Variants in ACVR1C observed in about 807,000 individuals in gnomAD.
ACVR1C encodes activin receptor type-1C.
ACVR1C carries 23 observed loss-of-function variants against 57.9 expected under a neutral mutation model. The ratio of observed to expected loss-of-function variants is 0.40; its 90% CI spans 0.29 to 0.56. ACVR1C has a LOEUF of 0.56. ACVR1C is among the 20% of genes least tolerant of loss of function. ACVR1C has a pLI of 0.50. For missense variants in ACVR1C, 480 were observed against 607.9 expected (o/e 0.79, Z 2.21); for synonymous variants, 214 against 215.3 (o/e 0.99, Z 0.05).
chr2:157,625,273 T>C (rs1682871254), intron 1 of ACVR1C, among the ~76,000 whole-genome samples: 1 of 152,150 alleles, frequency 6.6e-6, no homozygotes. Flanking sequence ...CATTCTTCCA[T>C]TGCTTGGGTC....
chr2:157,584,173 TAAA>T (rs769359004), intron 2 of ACVR1C, among the ~76,000 whole-genome samples: 1 of 142,528 alleles, frequency 7.0e-6, no homozygotes. Context: ...CAGAAGAAGA[TAAA>T]AAAAAAAAAC....
chr2:157,603,063 G>T (rs1682315193), intron 1 of ACVR1C, among the ~76,000 whole-genome samples: 1 of 152,136 alleles, frequency 6.6e-6, no homozygotes, highest in African/African-American at 2.4e-5. Flanking sequence ...AGGTTTGACT[G>T]CCATACTACA....
chr2:157,546,434 C>A (rs1427087424), intron 4 of ACVR1C, among the ~76,000 whole-genome samples: 2 of 152,244 alleles, frequency 1.3e-5, no homozygotes, highest in African/African-American at 4.8e-5. Context: ...TCTCTTTTTC[C>A]ATCCAATTAA....
At chr2:157,550,127 T>G (rs1264834318) in intron 4 of ACVR1C, 35 bp downstream of exon 4, 1 of 1,599,948 alleles carries the variant, frequency 6.3e-7, no homozygotes, top group African/African-American at 1.3e-5. Context: ...TAGACAGCAT[T>G]TTTTACTTGT....
At chr2:157,549,052 T>A (rs1275645036) in intron 4 of ACVR1C, among the ~76,000 whole-genome samples, 1 of 152,114 alleles carries the variant, frequency 6.6e-6, no homozygotes, top group Non-Finnish European at 1.5e-5. Context: ...GGTTGGTAAA[T>A]AGCTGCTATT....
chr2:157,581,557 G>A (rs1688791999), intron 2 of ACVR1C, among the ~76,000 whole-genome samples: 1 of 151,990 alleles, frequency 6.6e-6, no homozygotes, highest in Non-Finnish European at 1.5e-5. Flanking sequence ...ATAAAACAAA[G>A]GCCCAACCAT....
intron 1 of ACVR1C, among the ~76,000 whole-genome samples, chr2:157,617,488 C>T (rs987838411): frequency 6.6e-6 from 1 of 151,930 alleles, no homozygotes; most frequent in African/African-American, 2.4e-5. Context: ...TTGGGAGTAC[C>T]GCATTGAGGA....
At chr2:157,605,730 C>T (rs776564164) in intron 1 of ACVR1C, among the ~76,000 whole-genome samples, 100 of 151,676 alleles carry the variant, frequency 6.6e-4, no homozygotes, top group Non-Finnish European at 1.2e-3. Context: ...GTTTGTTACA[C>T]GCATAGAATG....
At chr2:157,577,352 T>C (rs1688688156) in intron 2 of ACVR1C, among the ~76,000 whole-genome samples, 1 of 152,192 alleles carries the variant, frequency 6.6e-6, no homozygotes, top group Non-Finnish European at 1.5e-5. Flanking sequence ...AAGACAGTGG[T>C]ATGCTGAAAT....
intron 2 of ACVR1C, among the ~76,000 whole-genome samples, chr2:157,576,526 T>TA (rs1688656883): frequency 1.3e-5 from 2 of 152,086 alleles, no homozygotes; most frequent in African/African-American, 4.8e-5. Flanking sequence ...TTCTTTGCCT[T>TA]AAAAAAATAA....
At position 157,583,993 on chromosome 2, in the gene ACVR1C, T is replaced by C. The variant is rs185909145; in HGVS notation, c.304+3194A>G. Among the ~76,000 whole-genome samples, 840 of 152,256 alleles carry C rather than the reference T, an allele frequency of 5.5e-3. 12 individuals carry two copies. The highest frequency in any genetic ancestry group is 0.018 in the African/African-American group (766 of 41,560). ...CATGAAACTAGTAAACTATCATAAT[T>C]TTTTTAAAAAGATAAATCAGACTTC... is the stretch of plus-strand genomic sequence containing the variant. On this transcript the variant is annotated intron_variant, in intron 2 of 8. Transcript: ENST00000243349.
intron 2 of ACVR1C, among the ~76,000 whole-genome samples, chr2:157,581,492 G>A (rs544654382): frequency 1.3e-5 from 2 of 152,212 alleles, no homozygotes; most frequent in South Asian, 4.1e-4. Context: ...AGGGGGAGAC[G>A]GGAGGGGAGT....
chr2:157,621,837 C>T (rs974765579), intron 1 of ACVR1C, among the ~76,000 whole-genome samples: 2 of 152,272 alleles, frequency 1.3e-5, no homozygotes, highest in Middle Eastern at 6.8e-3. Context: ...GAGTTAGAAT[C>T]CAGGGTTCGG....
chr2:157,591,329 G>C (rs1390853001), intron 1 of ACVR1C, among the ~76,000 whole-genome samples: 1 of 151,942 alleles, frequency 6.6e-6, no homozygotes, highest in Non-Finnish European at 1.5e-5. Context: ...CCCTCACTCT[G>C]TCACTAACTT....
intron 1 of ACVR1C, among the ~76,000 whole-genome samples, chr2:157,621,844 T>A (rs1285492319): frequency 6.6e-6 from 1 of 152,214 alleles, no homozygotes; most frequent in Non-Finnish European, 1.5e-5. Context: ...AATCCAGGGT[T>A]CGGGTTTATC....
Position 157,528,181 on chromosome 2 carries a change from CA to C in ACVR1C, c.*5736del, listed in dbSNP as rs1404537554. ...TAAAATTATGTCTGGGAGCCAATTG[CA>C]GTTGGATTTTAGCCCGCACCTGCCC... is the stretch of plus-strand genomic sequence containing the variant. On this transcript the variant is annotated 3_prime_UTR_variant, in exon 9 of 9. Transcript: ENST00000243349. 6.6e-6 allele frequency: 1 copy of C among 152,114 alleles called. No individual in the cohort carries two copies. Among genetic ancestry groups the C allele is most frequent in the Non-Finnish European group, 1.5e-5 (1 of 68,040 alleles). 9.4% of individuals were successfully genotyped at this position (152,114 alleles called of 1,614,324 possible).
At chr2:157,555,354 C>T (rs1688075087) in intron 3 of ACVR1C, among the ~76,000 whole-genome samples, 1 of 151,768 alleles carries the variant, frequency 6.6e-6, no homozygotes, top group African/African-American at 2.4e-5. Flanking sequence ...CTCCTGACCT[C>T]ATGATCCACC....
At chr2:157,603,260 T>A (rs1682321158) in intron 1 of ACVR1C, among the ~76,000 whole-genome samples, 3 of 152,180 alleles carry the variant, frequency 2.0e-5, no homozygotes, top group Admixed American at 2.0e-4. Flanking sequence ...AGCTTGATGA[T>A]CTTTCCATAA....
rs1687274508 is a variant in ACVR1C at position 157,528,179 on chromosome 2, T to C, written c.*5739A>G. ...TATAAAATTATGTCTGGGAGCCAAT[T>C]GCAGTTGGATTTTAGCCCGCACCTG... is the stretch of plus-strand genomic sequence containing the variant. On this transcript the variant is annotated 3_prime_UTR_variant, in exon 9 of 9. Coordinates refer to ENST00000243349, the MANE Select transcript of ACVR1C (RefSeq NM_145259.3). 6.6e-6 allele frequency: 1 copy of C among 152,188 alleles called. No individual in the cohort carries two copies. Among genetic ancestry groups the C allele is most frequent in the Admixed American group, 6.6e-5 (1 of 15,256 alleles). 9.4% of individuals were successfully genotyped at this position (152,188 alleles called of 1,614,324 possible).
Sources: gnomAD v4.1 joint callset for allele counts (sites outside exome capture counted in the v4.1 genomes callset) on GRCh38, gnomAD v4.1.1 for gene constraint, MANE v1.5 for transcripts, NCBI Gene and HGNC (gene_info 2026-07-23, HGNC 2026-07-21) for gene names.